TRPV3: variants seen among roughly 807,000 people sequenced by gnomAD.
The protein encoded by TRPV3 is transient receptor potential cation channel subfamily V member 3, also known as VRL-3.
In TRPV3, 88 loss-of-function variants were observed where a neutral mutation model predicts 87.1. That is an observed-to-expected ratio of 1.01 (90% CI 0.85 to 1.21). The LOEUF (loss-of-function observed/expected upper bound fraction) is 1.21, where lower values mean the gene tolerates loss of function less well. Ranked by LOEUF, TRPV3 falls within the 50% of genes most tolerant of loss-of-function variation. The probability of loss-of-function intolerance (pLI) is 0.00; values close to 1 mark genes in which losing one functional copy is unlikely to be tolerated. For synonymous variants in TRPV3, 438 were observed against 423.3 expected (o/e 1.03, Z -0.43); for missense variants, 1,054 against 1,030.1 (o/e 1.02, Z -0.32).
Position 3,532,685 on chromosome 17 carries a change from T to G in TRPV3, c.1037A>C (p.Gln346Pro). The G allele has an allele frequency of 1.2e-6, 2 of 1,614,234 alleles. No individual in the cohort carries two copies. The highest frequency in any genetic ancestry group is 1.7e-6 in the Non-Finnish European group (2 of 1,180,032). Residue 346 changes from glutamine to proline, a missense_variant, in exon 8 of 18, where the codon CAG becomes CCG. Coordinates refer to ENST00000576742, the MANE Select transcript of TRPV3 (RefSeq NM_145068.4). The stretch of plus-strand genomic sequence containing the variant: ...CGCCTTGCCCATCTTGGCGGCCAGC[T>G]GCAGCGGCGTGAGGCCATCGTTGTT... The part of the protein sequence containing the change: ...TRNNDGLTPL[Q>P]LAAKMGKAEI...
chr17:3,532,708 G>C lies in TRPV3; in HGVS notation c.1014C>G (p.Asn338Lys), dbSNP rs1335843555. The C allele has an allele frequency of 6.2e-6, 10 of 1,614,138 alleles. No individual in the cohort carries two copies. Among genetic ancestry groups the C allele is most frequent in the South Asian group, 1.1e-5 (1 of 91,092 alleles). ...SGNWELETTR[N>K]NDGLTPLQLA... ...GCTGCAGCGGCGTGAGGCCATCGTT[G>C]TTGCGAGTGGTCTCCAGCTCCCAGT... The change falls in exon 8 of 18, where the codon AAC becomes AAG. Residue 338 changes from asparagine (N) to lysine (K), a missense_variant. By Grantham distance (94) the Asn-to-Lys change is moderately conservative. Coordinates refer to ENST00000576742, the MANE Select transcript of TRPV3 (RefSeq NM_145068.4).
intron 2 of TRPV3, among the ~76,000 whole-genome samples, chr17:3,551,319 C>T (rs774173727): frequency 4.1e-4 from 63 of 152,240 alleles, no homozygotes; most frequent in Non-Finnish European, 8.2e-4. Flanking sequence ...GTCTGTCCTG[C>T]GCCCGCCCTA....
At chr17:3,522,306 GA>G (rs2150783400) in intron 13 of TRPV3, among the ~76,000 whole-genome samples, 1 of 152,252 alleles carries the variant, frequency 6.6e-6, no homozygotes, top group South Asian at 2.1e-4. Context: ...GCCCTGAGAG[GA>G]GAACAGTAGT....
At chr17:3,525,033 G>T (rs930413778) in intron 12 of TRPV3, among the ~76,000 whole-genome samples, 2 of 151,932 alleles carry the variant, frequency 1.3e-5, no homozygotes, top group African/African-American at 4.8e-5. Flanking sequence ...GGGGTCAGGG[G>T]GGCAGAGACA....
At position 3,554,635 on chromosome 17, in the gene TRPV3, A is replaced by T. The variant is rs1044054452; in HGVS notation, c.119+97T>A. 1.1e-5 allele frequency: 9 copies of T among 824,612 alleles called. No individual in the cohort carries two copies. In the African/African-American group the frequency reaches 1.2e-4, roughly 11 times the overall value. 51.1% of individuals were successfully genotyped at this position (824,612 alleles called of 1,614,324 possible). On this transcript the variant is annotated intron_variant, in intron 2 of 17. Coordinates refer to ENST00000576742, the MANE Select transcript of TRPV3 (RefSeq NM_145068.4). ...CACCCCGGGCGAGACTGAGAGTCTC[A>T]GGTCTCCCCAAGGCAAGGGCTCCCT...
intron 13 of TRPV3, 35 bp from the exon 14 acceptor site, chr17:3,521,074 G>C: frequency 6.9e-7 from 1 of 1,448,996 alleles, no homozygotes; most frequent in Non-Finnish European, 9.6e-7. Context: ...AGTGTAAGGT[G>C]CAAGCACATA....
chr17:3,554,638 T>G, intron 2 of TRPV3, 94 bp downstream of exon 2: 1 of 853,130 alleles, frequency 1.2e-6, no homozygotes, highest in South Asian at 1.7e-5. Flanking sequence ...GAGTCTCAGG[T>G]CTCCCCAAGG....
At chr17:3,550,053 A>G (rs2074559872) in intron 2 of TRPV3, among the ~76,000 whole-genome samples, 1 of 145,570 alleles carries the variant, frequency 6.9e-6, no homozygotes, top group Non-Finnish European at 1.5e-5. Context: ...ATGGGTGAAT[A>G]AATGATGGAT....
chr17:3,536,974 G>C (rs2074414224), intron 6 of TRPV3, among the ~76,000 whole-genome samples: 1 of 152,180 alleles, frequency 6.6e-6, no homozygotes, highest in Admixed American at 6.5e-5. Flanking sequence ...AAAGAACCAA[G>C]CTTTAAGACA....
At position 3,511,985 on chromosome 17, in the gene TRPV3, A is replaced by T. The variant is rs2074119255; in HGVS notation, c.*1932T>A. The T allele has an allele frequency of 6.6e-6, 1 of 152,158 alleles. No individual in the cohort carries two copies. The highest frequency in any genetic ancestry group is 2.4e-5 in the African/African-American group (1 of 41,420). The allele number at this position is 152,158 out of a possible 1,614,324, so 9.4% of individuals were successfully genotyped here. A position where few individuals can be genotyped will look rare whatever the true frequency, so the allele number is the denominator to read the frequency against. ...GCTTAATGCGGGTAGCTAACTCCAG[A>T]TGTGGAATGCTGATTTGTACAATCT... On this transcript the variant is annotated 3_prime_UTR_variant, in exon 18 of 18. Transcript: ENST00000576742.
chr17:3,527,584 T>G (rs1723770593), intron 11 of TRPV3: 1 of 232,482 alleles, frequency 4.3e-6, no homozygotes. Flanking sequence ...ATTCATTGGA[T>G]GGATGGAAGG....
At chr17:3,524,628 G>T (rs2074278467) in intron 12 of TRPV3, among the ~76,000 whole-genome samples, 1 of 152,012 alleles carries the variant, frequency 6.6e-6, no homozygotes, top group Non-Finnish European at 1.5e-5. Flanking sequence ...CACATCCACA[G>T]GGCCGCAGAA....
At chr17:3,524,808 CAAAAAAA>C (rs56919647) in intron 12 of TRPV3, among the ~76,000 whole-genome samples, 52 of 81,882 alleles carry the variant, frequency 6.4e-4, no homozygotes, top group Non-Finnish European at 1.1e-3. Context: ...CTTGTCTCTA[CAAAAAAA>C]AAAAAAAAAA....
rs368145799 is a variant in TRPV3, at chr17:3,532,887, G to C, written c.835C>G (p.Gln279Glu). 2.2e-5 allele frequency: 35 copies of C among 1,614,116 alleles called. No homozygotes were observed. Among genetic ancestry groups the C allele is most frequent in the Non-Finnish European group, 2.8e-5 (33 of 1,180,056 alleles). ...AACTNQPEIV[Q>E]LLMEHEQTDI... ...GTCTGCTCGTGCTCCATCAGCAGCT[G>C]CACAATCTCGGGCTGGTTGGTGCAT... is the stretch of plus-strand genomic sequence containing the variant. The change falls in exon 8 of 18, where the codon CAG (glutamine) becomes GAG (glutamate). Residue 279 changes from glutamine (Q) to glutamate (E), a missense_variant. Transcript: ENST00000576742.
At chr17:3,535,481 T>A in intron 7 of TRPV3, 92 bp downstream of exon 7, 22 of 870,556 alleles carry the variant, frequency 2.5e-5, no homozygotes, top group Non-Finnish European at 3.0e-5. Flanking sequence ...TCCCCCCTCC[T>A]CCCTTCTTCC....
intron 6 of TRPV3, among the ~76,000 whole-genome samples, chr17:3,536,503 G>A (rs1399492167): frequency 1.3e-5 from 2 of 152,126 alleles, no homozygotes; most frequent in East Asian, 1.9e-4. Context: ...CAGGAGAATC[G>A]CTTGAACCCA....
intron 7 of TRPV3, among the ~76,000 whole-genome samples, chr17:3,533,561 C>G (rs527984874): frequency 6.8e-6 from 1 of 147,836 alleles, no homozygotes; most frequent in Admixed American, 6.8e-5. Context: ...TGCAGTGGTG[C>G]GATCTCGCCT....
In TRPV3 at chr17:3,518,005, G is replaced by A. The variant is rs1242902096; in HGVS notation, c.2085+571C>T. Among the ~76,000 whole-genome samples, 3 of 151,876 alleles carry A rather than the reference G, an allele frequency of 2.0e-5. No individual in the cohort carries two copies. The highest frequency in any genetic ancestry group is 1.9e-4 in the East Asian group (1 of 5,152). Reference sequence around the variant, plus strand: ...GGCTAGCTTTTGTATTTTTAGTAGCGATGAGGTTTCACCATGTTGGCCAAG... The same window carrying A: ...GGCTAGCTTTTGTATTTTTAGTAGCAATGAGGTTTCACCATGTTGGCCAAG... On this transcript the variant is annotated intron_variant, in intron 15 of 17. Transcript: ENST00000576742. The surrounding 1 kb of genome is among the most constrained non-coding windows in gnomAD (Gnocchi z 4.3).
At chr17:3,544,450 A>G in intron 4 of TRPV3, 129 bp downstream of exon 4, 1 of 604,692 alleles carries the variant, frequency 1.7e-6, no homozygotes, top group Non-Finnish European at 2.8e-6. Context: ...CCATGGACCC[A>G]TGACTCCACT....
Sources: allele counts gnomAD v4.1 joint callset (sites outside exome capture counted in the v4.1 genomes callset), GRCh38; gene constraint gnomAD v4.1.1; non-coding constraint Gnocchi (gnomAD v3.1); transcripts MANE v1.5; gene names NCBI Gene and HGNC (gene_info 2026-07-23, HGNC 2026-07-21).